The following PAM variants were observed in gnomAD, a reference collection of about 807,000 sequenced individuals.
PAM encodes peptidyl-glycine alpha-amidating monooxygenase.
Under a neutral mutation model 122.1 loss-of-function variants are expected in PAM, and 72 were observed. The ratio of observed to expected loss-of-function variants is 0.59; its 90% confidence interval spans 0.49 to 0.72. PAM has a LOEUF of 0.72. PAM is among the 30% of genes least tolerant of loss of function. The pLI is 0.00. For synonymous variants in PAM, 389 were observed against 404.4 expected (o/e 0.96, Z 0.46); for missense variants, 1,106 against 1,183.7 (o/e 0.93, Z 0.96).
rs1469738217 is a variant in PAM at position 102,920,081 on chromosome 5, A to G, written c.357-4876A>G. Among the ~76,000 whole-genome samples the G allele has an allele frequency of 2.6e-5, 4 of 152,192 alleles. No homozygotes were observed. The East Asian group carries it at 7.7e-4, about 29-fold the overall frequency. ...TGTGAAATCGGAACATCTTGGTTTC[A>G]AATCTCAGCTCTGCTACTTGGTAGT... On this transcript the variant is annotated intron_variant, in intron 5 of 25. Transcript: ENST00000438793.
chr5:102,796,291 C>T lies in PAM; in HGVS notation c.-374+40943C>T, dbSNP rs148336901. On this transcript the variant is annotated intron_variant, in intron 1 of 25. Coordinates refer to ENST00000438793, the MANE Select transcript of PAM (RefSeq NM_001177306.2). ...AATCCATGTTAGGAACCAGGTTTGTCGGTCAATAGTCTAGGACTCATAGAT... is the reference window on the plus strand; with the variant it reads ...AATCCATGTTAGGAACCAGGTTTGTTGGTCAATAGTCTAGGACTCATAGAT... Among the ~76,000 whole-genome samples, 113 of 152,240 alleles carry T rather than the reference C, an allele frequency of 7.4e-4. 1 individual carries two copies. The highest frequency in any genetic ancestry group is 2.3e-3 in the African/African-American group (96 of 41,536).
chr5:102,763,121 A>C (rs75900556), intron 1 of PAM, among the ~76,000 whole-genome samples: 4,366 of 152,238 alleles, frequency 0.029, 109 homozygotes, highest in East Asian at 0.14. Flanking sequence ...CTAGTTCCCT[A>C]ATTAAACAGA....
chr5:102,908,051 C>T (rs1800151542), intron 4 of PAM, among the ~76,000 whole-genome samples: 1 of 152,064 alleles, frequency 6.6e-6, no homozygotes, highest in Admixed American at 6.6e-5. Flanking sequence ...CTTGCCCATG[C>T]CTATGTCCTG....
chr5:102,946,855 C>A lies in PAM; in HGVS notation c.545C>A (p.Ser182Tyr), dbSNP rs762490535. 1.0e-5 allele frequency: 16 copies of A among 1,599,432 alleles called. No individual in the cohort carries two copies. The highest frequency in any genetic ancestry group is 1.4e-5 in the Non-Finnish European group (16 of 1,167,598). ...SAFRDNNKDC[S>Y]GVSLHLTRLP... is the part of the protein sequence containing the mutation. ...TTTTCAGATAATAACAAGGACTGTT[C>A]TGGTGTGTCCTTACACCTCACACGT... is the stretch of plus-strand genomic sequence containing the variant. Residue 182 changes from serine to tyrosine, a missense_variant, in exon 8 of 26, where the codon TCT becomes TAT. Around this residue, in one of 3 missense-constraint regions of PAM, gnomAD observed 670 missense variants for 690.3 expected, o/e 0.97. Transcript: ENST00000438793.
chr5:102,984,223 AAAAT>A (rs377273573), intron 15 of PAM, among the ~76,000 whole-genome samples: 51 of 152,308 alleles, frequency 3.3e-4, no homozygotes, highest in Middle Eastern at 3.4e-3. Flanking sequence ...CAAAATGACA[AAAAT>A]AAATCCTCAC....
intron 22 of PAM, among the ~76,000 whole-genome samples, 155 bp downstream of exon 22, chr5:103,017,588 T>G (rs575945846): frequency 2.6e-5 from 4 of 152,234 alleles, no homozygotes; most frequent in Non-Finnish European, 5.9e-5. Flanking sequence ...TGGTGTCCAT[T>G]AAGTGGAAAG....
intron 1 of PAM, among the ~76,000 whole-genome samples, chr5:102,843,562 T>C (rs1311108951): frequency 6.6e-6 from 1 of 152,170 alleles, no homozygotes; most frequent in South Asian, 2.1e-4. Context: ...GTGAAGAGGA[T>C]GTAAAGACAA....
At chr5:102,954,952 A>T (rs193241926) in intron 12 of PAM, among the ~76,000 whole-genome samples, 1 of 152,270 alleles carries the variant, frequency 6.6e-6, no homozygotes, top group East Asian at 1.9e-4. Flanking sequence ...AATATATTAC[A>T]TGCAAAGATA....
intron 5 of PAM, among the ~76,000 whole-genome samples, chr5:102,924,444 AAAAAAAAC>A (rs1044389200): frequency 6.6e-6 from 1 of 151,760 alleles, no homozygotes; most frequent in Non-Finnish European, 1.5e-5. Context: ...AAAAAAAAAA[AAAAAAAAC>A]AAAAAAACTC....
chr5:102,974,091 C>G, intron 14 of PAM, 25 bp from the exon 15 acceptor site: 1 of 1,574,978 alleles, frequency 6.3e-7, no homozygotes, highest in Non-Finnish European at 8.7e-7. Flanking sequence ...CCTCCACGCC[C>G]TTATCTCTTC....
intron 1 of PAM, among the ~76,000 whole-genome samples, chr5:102,800,029 G>A (rs115957260): frequency 2.0e-5 from 3 of 152,328 alleles, no homozygotes; most frequent in African/African-American, 7.2e-5. Flanking sequence ...CTCCATTCAT[G>A]CATTCATTAA....
At chr5:102,768,063 A>G (rs1754629388) in intron 1 of PAM, among the ~76,000 whole-genome samples, 1 of 152,180 alleles carries the variant, frequency 6.6e-6, no homozygotes, top group African/African-American at 2.4e-5. Flanking sequence ...GCAAGCACTC[A>G]GTCTACTACT....
At chr5:102,784,583 C>G (rs1723365510) in intron 1 of PAM, among the ~76,000 whole-genome samples, 1 of 152,172 alleles carries the variant, frequency 6.6e-6, no homozygotes, top group South Asian at 2.1e-4. Context: ...CTTATCTAAC[C>G]AGATATTCCC....
At chr5:102,779,411 A>G (rs1758012044) in intron 1 of PAM, among the ~76,000 whole-genome samples, 1 of 152,140 alleles carries the variant, frequency 6.6e-6, no homozygotes, top group African/African-American at 2.4e-5. Flanking sequence ...ATGTAGAATA[A>G]CAGTATGTGT....
chr5:102,763,587 A>G (rs1184732407), intron 1 of PAM, among the ~76,000 whole-genome samples: 1 of 152,218 alleles, frequency 6.6e-6, no homozygotes, highest in East Asian at 1.9e-4. Flanking sequence ...GGCTTATATA[A>G]TAGGAACCTG....
chr5:102,891,024 T>C (rs1794636000), intron 3 of PAM, among the ~76,000 whole-genome samples: 1 of 151,836 alleles, frequency 6.6e-6, no homozygotes, highest in African/African-American at 2.4e-5. Flanking sequence ...GGGATAAATT[T>C]AGTTTGATAG....
intron 16 of PAM, 90 bp downstream of exon 16, chr5:102,990,491 T>G (rs1046525680): frequency 2.0e-5 from 19 of 953,724 alleles, no homozygotes; most frequent in Non-Finnish European, 2.8e-5. Flanking sequence ...GTGAGAGAAC[T>G]ATAAAGGTTT....
At chr5:102,869,639 A>G (rs1786730512) in intron 3 of PAM, among the ~76,000 whole-genome samples, 1 of 152,206 alleles carries the variant, frequency 6.6e-6, no homozygotes, top group Non-Finnish European at 1.5e-5. Context: ...TATACTTTGT[A>G]AACTTTTATG....
At chr5:103,003,571 A>G (rs535291652) in intron 17 of PAM, among the ~76,000 whole-genome samples, 1 of 152,326 alleles carries the variant, frequency 6.6e-6, no homozygotes, top group East Asian at 1.9e-4. Flanking sequence ...ATAAATGTAT[A>G]CAATTAAAAT....
Sources: gnomAD v4.1 joint callset for allele counts (sites outside exome capture counted in the v4.1 genomes callset) on GRCh38, gnomAD v4.1.1 for gene constraint, gnomAD v4.1.1 regional missense constraint, MANE v1.5 for transcripts, NCBI Gene and HGNC (gene_info 2026-07-23, HGNC 2026-07-21) for gene names.